Variants in REDIC1 observed in about 807,000 individuals in gnomAD.
REDIC1 encodes the protein regulator of DNA class I crossover intermediates 1.
chr12:39,637,241 C>T, the REDIC1 span, among the ~76,000 whole-genome samples: 1 of 152,092 alleles, frequency 6.6e-6, no homozygotes, highest in South Asian at 2.1e-4. Context: ...TTATGACCTA[C>T]CAATTTTCTT....
chr12:39,824,844 C>CA, the REDIC1 span, among the ~76,000 whole-genome samples: 25 of 151,258 alleles, frequency 1.7e-4, no homozygotes, highest in Admixed American at 4.6e-4. Flanking sequence ...CTAATCTGAG[C>CA]AAAAAAAATA....
chr12:39,761,281 G>A, the REDIC1 span, among the ~76,000 whole-genome samples: 1 of 152,034 alleles, frequency 6.6e-6, no homozygotes, highest in South Asian at 2.1e-4. Flanking sequence ...CTACTTAAGT[G>A]TTGGCAGTTT....
the REDIC1 span, among the ~76,000 whole-genome samples, chr12:39,793,383 A>G: frequency 6.6e-6 from 1 of 152,150 alleles, no homozygotes; most frequent in Admixed American, 6.6e-5. Context: ...ATTGGTAAAG[A>G]CATCAATTCA....
At chr12:39,651,454 C>T in the REDIC1 span, among the ~76,000 whole-genome samples, 1 of 152,166 alleles carries the variant, frequency 6.6e-6, no homozygotes, top group Non-Finnish European at 1.5e-5. Context: ...CTCTGTCATA[C>T]TATCCTAGTT....
chr12:39,668,439 C>G, the REDIC1 span, among the ~76,000 whole-genome samples: 5 of 152,186 alleles, frequency 3.3e-5, no homozygotes, highest in East Asian at 1.9e-4. Flanking sequence ...GAGATCAGCT[C>G]TTAGTCTGAT....
chr12:39,729,022 T>A, the REDIC1 span, among the ~76,000 whole-genome samples: 1 of 149,008 alleles, frequency 6.7e-6, no homozygotes, highest in Non-Finnish European at 1.5e-5. Context: ...TTTATCATTT[T>A]TTGTTGTGTC....
the REDIC1 span, among the ~76,000 whole-genome samples, chr12:39,828,642 G>C: frequency 1.5e-4 from 22 of 151,696 alleles, no homozygotes; most frequent in Non-Finnish European, 2.5e-4. Context: ...TAAAATACAG[G>C]AAACTATGTA....
At chr12:39,785,285 T>C in the REDIC1 span, among the ~76,000 whole-genome samples, 20 of 152,108 alleles carry the variant, frequency 1.3e-4, no homozygotes, top group African/African-American at 4.6e-4. Flanking sequence ...TCCCAGCTGC[T>C]CCAGCCACAG....
the REDIC1 span, among the ~76,000 whole-genome samples, chr12:39,823,662 T>C: frequency 6.6e-6 from 1 of 152,138 alleles, no homozygotes; most frequent in Non-Finnish European, 1.5e-5. Flanking sequence ...TTGCCCAGGC[T>C]GGCTTTAAAC....
the REDIC1 span, among the ~76,000 whole-genome samples, chr12:39,803,925 C>G: frequency 6.6e-6 from 1 of 151,800 alleles, no homozygotes; most frequent in Admixed American, 6.6e-5. Context: ...ACACCTCTAT[C>G]AAGATACATC....
chr12:39,826,872 T>TG, the REDIC1 span, among the ~76,000 whole-genome samples: 1 of 145,886 alleles, frequency 6.9e-6, no homozygotes, highest in Admixed American at 6.9e-5. Flanking sequence ...TTTTTTTTTT[T>TG]GCAATGCAAG....
chr12:39,752,724 C>T, the REDIC1 span, among the ~76,000 whole-genome samples: 1 of 152,268 alleles, frequency 6.6e-6, no homozygotes, highest in South Asian at 2.1e-4. Flanking sequence ...GCAGAGACAA[C>T]ATCGTGTGCA....
chr12:39,877,263 T>C, the REDIC1 span, among the ~76,000 whole-genome samples: 866 of 152,248 alleles, frequency 5.7e-3, 19 homozygotes, highest in East Asian at 0.065. Context: ...CTCACAATCA[T>C]GGTGGAAGGC....
chr12:39,713,012 CATGTGTATAT>C, the REDIC1 span, among the ~76,000 whole-genome samples: 1 of 133,684 alleles, frequency 7.5e-6, no homozygotes, highest in African/African-American at 3.0e-5. Flanking sequence ...TGTATATATA[CATGTGTATAT>C]ACGTGTATAT....
chr12:39,679,266 T>G, the REDIC1 span, among the ~76,000 whole-genome samples: 9 of 152,282 alleles, frequency 5.9e-5, no homozygotes, highest in East Asian at 1.9e-4. Context: ...CCCTAAGGAC[T>G]TATCCAAAAA....
chr12:39,782,519 T>C, the REDIC1 span, among the ~76,000 whole-genome samples: 1 of 152,170 alleles, frequency 6.6e-6, no homozygotes, highest in Non-Finnish European at 1.5e-5. Context: ...TGTGGAACTG[T>C]AAGTCCAATT....
the REDIC1 span, among the ~76,000 whole-genome samples, chr12:39,781,454 G>A: frequency 6.6e-6 from 1 of 152,310 alleles, no homozygotes; most frequent in East Asian, 1.9e-4. Flanking sequence ...CTATGCCCCA[G>A]GGGCTAGTAC....
At chr12:39,706,628 C>T in the REDIC1 span, among the ~76,000 whole-genome samples, 1 of 151,662 alleles carries the variant, frequency 6.6e-6, no homozygotes, top group Non-Finnish European at 1.5e-5. Flanking sequence ...CTATAGTAAC[C>T]AAAACAGCAT....
At chr12:39,710,031 G>A in the REDIC1 span, among the ~76,000 whole-genome samples, 15 of 151,534 alleles carry the variant, frequency 9.9e-5, no homozygotes, top group African/African-American at 3.6e-4. Context: ...GAAGTGTGAG[G>A]TGATATTTCA....
Sources: gnomAD v4.1 joint callset for allele counts (sites outside exome capture counted in the v4.1 genomes callset) on GRCh38, gnomAD v4.1.1 for gene constraint, MANE v1.5 for transcripts, NCBI Gene and HGNC (gene_info 2026-07-23, HGNC 2026-07-21) for gene names.